Variants in TENM4 observed in about 807,000 individuals in gnomAD.
TENM4 encodes teneurin transmembrane protein 4, also known as teneurin-4.
TENM4 carries 82 observed loss-of-function variants against 243.3 expected under a neutral mutation model. The observed-to-expected ratio is 0.34, with a 90% CI of 0.28 to 0.40. The LOEUF (loss-of-function observed/expected upper bound fraction) is 0.40. Among genes scored for constraint, TENM4 ranks in the 10% least tolerant of loss-of-function variants. The pLI is 1.00. For missense variants in TENM4, 3,138 were observed against 3,673.3 expected, an observed-to-expected ratio of 0.85 and a Z score of 3.77; for synonymous variants, 1,412 against 1,456.3, an observed-to-expected ratio of 0.97 and a Z score of 0.69.
rs564409624 is a variant in TENM4 at position 78,925,709 on chromosome 11, A to G, written c.494-22186T>C. ...CCCTGCCCTTCCATGGCTCCGTGCT[A>G]CCCTCAAGTCCAAGTTTCTTAGCCT... On this transcript the variant is annotated intron_variant, in intron 6 of 33. Transcript: ENST00000278550. Among the ~76,000 whole-genome samples, 17 of 152,224 alleles carry G rather than the reference A, an allele frequency of 1.1e-4. No individual in the cohort carries two copies. In the South Asian group the frequency reaches 3.5e-3, roughly 32 times the overall value.
At chr11:78,866,868 G>T (rs901017507) in intron 9 of TENM4, among the ~76,000 whole-genome samples, 1 of 152,186 alleles carries the variant, frequency 6.6e-6, no homozygotes, top group Non-Finnish European at 1.5e-5. Flanking sequence ...GTTGGGCTGA[G>T]AAATGGCTAC....
intron 6 of TENM4, among the ~76,000 whole-genome samples, chr11:79,022,357 C>T (rs937758708): frequency 2.0e-5 from 3 of 152,202 alleles, no homozygotes; most frequent in East Asian, 3.9e-4. Flanking sequence ...CCCTTCTCTA[C>T]AGCTGTTCAT....
chr11:79,279,894 G>T (rs929685504), intron 2 of TENM4, among the ~76,000 whole-genome samples: 8 of 152,176 alleles, frequency 5.3e-5, no homozygotes, highest in African/African-American at 1.9e-4. Context: ...GAGGTGGTTA[G>T]GTTATGAGAG....
intron 2 of TENM4, among the ~76,000 whole-genome samples, chr11:79,253,655 G>A (rs1008227383): frequency 6.6e-6 from 1 of 152,088 alleles, no homozygotes; most frequent in Non-Finnish European, 1.5e-5. Context: ...ATAATTAATC[G>A]CCCTGTTTTC....
chr11:79,108,163 T>C (rs924198219), intron 4 of TENM4, among the ~76,000 whole-genome samples: 1 of 152,208 alleles, frequency 6.6e-6, no homozygotes, highest in Non-Finnish European at 1.5e-5. Context: ...CAGGCCTTAG[T>C]GCCCAGTTAT....
chr11:78,931,198 G>A (rs1359666839), intron 6 of TENM4, among the ~76,000 whole-genome samples: 1 of 152,178 alleles, frequency 6.6e-6, no homozygotes, highest in African/African-American at 2.4e-5. Context: ...GTGGAGAAGC[G>A]CCCTGTCCAC....
At chr11:78,835,706 C>T (rs1330221109) in intron 12 of TENM4, among the ~76,000 whole-genome samples, 1 of 152,198 alleles carries the variant, frequency 6.6e-6, no homozygotes, top group Non-Finnish European at 1.5e-5. Context: ...GAGGTCTCAG[C>T]TTAGATGTCG....
chr11:78,699,136 C>A (rs1859044617), intron 28 of TENM4, among the ~76,000 whole-genome samples: 1 of 152,126 alleles, frequency 6.6e-6, no homozygotes, highest in African/African-American at 2.4e-5. Flanking sequence ...GCATTAACAA[C>A]AACAACAACA....
intron 6 of TENM4, among the ~76,000 whole-genome samples, chr11:79,022,381 A>G (rs1398239464): frequency 6.6e-6 from 1 of 152,136 alleles, no homozygotes; most frequent in African/African-American, 2.4e-5. Flanking sequence ...CAGACCTTCA[A>G]AGGATGTGCC....
chr11:79,125,565 G>C (rs554250459), intron 4 of TENM4, among the ~76,000 whole-genome samples: 1 of 152,220 alleles, frequency 6.6e-6, no homozygotes, highest in East Asian at 1.9e-4. Flanking sequence ...TGGAATGGGG[G>C]GTGTGTGGGA....
At chr11:79,010,611 T>C (rs1858620350) in intron 6 of TENM4, among the ~76,000 whole-genome samples, 1 of 152,144 alleles carries the variant, frequency 6.6e-6, no homozygotes, top group South Asian at 2.1e-4. Flanking sequence ...ACATGGATGG[T>C]AGCAGGCAAA....
intron 12 of TENM4, among the ~76,000 whole-genome samples, chr11:78,831,140 A>G (rs1157781337): frequency 6.6e-6 from 1 of 152,206 alleles, no homozygotes; most frequent in Admixed American, 6.5e-5. Context: ...CCAAACAACT[A>G]GTCACCGAAA....
At position 78,727,536 on chromosome 11, in the gene TENM4, T is replaced by TTAA. The variant is rs536174847; in HGVS notation, c.3407-1315_3407-1314insTTA. On this transcript the variant is annotated intron_variant, in intron 22 of 33. Coordinates refer to ENST00000278550, the MANE Select transcript of TENM4 (RefSeq NM_001098816.3). ...TCTATTTTTGTCCATTTTTCAAATTTTTATTAACGACTATGGTGTTTTTTA... is the reference window on the plus strand; with the variant it reads ...TCTATTTTTGTCCATTTTTCAAATTTTAATTATTAACGACTATGGTGTTTTTTA... 3.4e-3 allele frequency among the ~76,000 whole-genome samples: 518 copies of TTAA among 152,346 alleles called. 2 individuals carry two copies. The highest frequency in any genetic ancestry group is 0.029 in the South Asian group (141 of 4,826).
chr11:78,690,600 T>C (rs1482213169), intron 28 of TENM4, among the ~76,000 whole-genome samples: 1 of 152,180 alleles, frequency 6.6e-6, no homozygotes, highest in Non-Finnish European at 1.5e-5. Context: ...CATAGGAGTC[T>C]CACTTATAGG....
Position 79,438,444 on chromosome 11 carries a change from A to T in TENM4, c.-321+2065T>A, listed in dbSNP as rs1230956002. ...CCGACCCCAGCCCCATCCCGTCCCC[A>T]TCAGCGCCGGGCTAGCGCAGGAAAC... On this transcript the variant is annotated intron_variant, in intron 1 of 33. Transcript: ENST00000278550. This position sits in a 1 kb window ranked among gnomAD's most constrained non-coding sequence, Gnocchi z 4.1. 1.3e-5 allele frequency among the ~76,000 whole-genome samples: 2 copies of T among 152,148 alleles called. No homozygotes were observed. The highest frequency in any genetic ancestry group is 2.4e-5 in the African/African-American group (1 of 41,450).
intron 3 of TENM4, among the ~76,000 whole-genome samples, chr11:79,167,132 CAG>C (rs112360995): frequency 0.18 from 27,197 of 152,206 alleles, 3,122 homozygotes; most frequent in Non-Finnish European, 0.25. Context: ...GGCAGTTCTA[CAG>C]AGTTACCAAA....
At chr11:79,122,489 CG>C (rs1861763769) in intron 4 of TENM4, among the ~76,000 whole-genome samples, 1 of 152,060 alleles carries the variant, frequency 6.6e-6, no homozygotes, top group Admixed American at 6.6e-5. Flanking sequence ...GAGAGATGTC[CG>C]CTGGGACTAG....
rs1358882128 is a variant in TENM4, at chr11:78,889,653, C to T, written c.1084+132G>A. The T allele has an allele frequency of 4.9e-6, 5 of 1,011,086 alleles. No individual in the cohort carries two copies. The East Asian group carries it at 1.3e-4, about 26-fold the overall frequency. 62.6% of individuals were successfully genotyped at this position (1,011,086 alleles called of 1,614,324 possible). On this transcript the variant is annotated intron_variant, in intron 9 of 33. Coordinates refer to ENST00000278550, the MANE Select transcript of TENM4 (RefSeq NM_001098816.3). Reference sequence around the variant, plus strand: ...CAGGGGTGCAGACTGTCCAGAACTCCAGGGCTGCCTGGCTCACACTGCGTG... The same window carrying T: ...CAGGGGTGCAGACTGTCCAGAACTCTAGGGCTGCCTGGCTCACACTGCGTG...
rs5792824 is a variant in TENM4, at chr11:78,866,458, T to TAAAA, written c.1085-3330_1085-3327dup. On this transcript the variant is annotated intron_variant, in intron 9 of 33. Coordinates refer to ENST00000278550, the MANE Select transcript of TENM4 (RefSeq NM_001098816.3). ...AACAAGATGCAAATAAGTCCTTGCT[T>TAAAA]AAAAAAAAAAAAAAAAAAAGATACG... Among the ~76,000 whole-genome samples, 28 of 130,618 alleles carry TAAAA rather than the reference T, an allele frequency of 2.1e-4. No individual in the cohort carries two copies. In the South Asian group the frequency reaches 4.9e-3, roughly 23 times the overall value. The allele number at this position is 130,618 out of a possible 152,430, so 85.7% of individuals were successfully genotyped here. A position where few individuals can be genotyped will look rare whatever the true frequency, so the allele number is the denominator to read the frequency against.
Sources: gnomAD v4.1 joint callset for allele counts (sites outside exome capture counted in the v4.1 genomes callset) on GRCh38, gnomAD v4.1.1 for gene constraint, Gnocchi (gnomAD v3.1) non-coding constraint, MANE v1.5 for transcripts, NCBI Gene and HGNC (gene_info 2026-07-23, HGNC 2026-07-21) for gene names.